The following SLC35F3 variants were observed in gnomAD, a reference collection of about 807,000 sequenced individuals.
The protein encoded by SLC35F3 is putative thiamine transporter SLC35F3.
Under a neutral mutation model 49.9 loss-of-function variants are expected in SLC35F3, and 25 were observed. The observed-to-expected ratio is 0.50, with a 90% CI of 0.37 to 0.70. The LOEUF (loss-of-function observed/expected upper bound fraction) is 0.70, where lower values mean the gene tolerates loss of function less well. SLC35F3 is among the 30% of genes least tolerant of loss of function. The pLI is 0.00. For synonymous variants in SLC35F3, 275 were observed against 265.4 expected (o/e 1.04, Z -0.35); for missense variants, 525 against 639.8 (o/e 0.82, Z 1.94).
intron 2 of SLC35F3, among the ~76,000 whole-genome samples, chr1:234,003,396 G>A (rs1663581955): frequency 6.6e-6 from 1 of 151,998 alleles, no homozygotes; most frequent in South Asian, 2.1e-4. Context: ...AATATGACAG[G>A]TAATTGATGG....
intron 2 of SLC35F3, among the ~76,000 whole-genome samples, chr1:234,002,610 C>T (rs1483702984): frequency 1.3e-5 from 2 of 152,134 alleles, no homozygotes; most frequent in Admixed American, 6.5e-5. Context: ...ATACAGTTGA[C>T]GTTGGCCTTG....
chr1:233,905,419 G>T (rs1484221210), intron 1 of SLC35F3, 110 bp from the exon 2 acceptor site: 5 of 861,568 alleles, frequency 5.8e-6, no homozygotes, highest in South Asian at 3.5e-5. Flanking sequence ...CCCCCGGAGG[G>T]CCCCGGCCGC....
intron 2 of SLC35F3, among the ~76,000 whole-genome samples, chr1:234,167,427 C>T (rs1000164439): frequency 6.6e-6 from 1 of 152,160 alleles, no homozygotes; most frequent in Non-Finnish European, 1.5e-5. Flanking sequence ...GTGCATGACT[C>T]ACCACAAAGG....
Position 234,258,112 on chromosome 1 carries a change from T to C in SLC35F3, c.608+26371T>C, listed in dbSNP as rs891260110. Among the ~76,000 whole-genome samples, 8 of 152,284 alleles carry C rather than the reference T, an allele frequency of 5.3e-5. 1 individual carries two copies. The highest frequency in any genetic ancestry group is 6.8e-3 in the Middle Eastern group (2 of 294). On this transcript the variant is annotated intron_variant, in intron 3 of 7. Transcript: ENST00000366618. ...CACCAAGTGGAAGAAGGGGAGTTAA[T>C]TACTCAAGTCAGCCTCCCCGAAAGC... is the stretch of plus-strand genomic sequence containing the variant.
intron 2 of SLC35F3, among the ~76,000 whole-genome samples, chr1:234,142,786 A>G (rs1665937771): frequency 6.6e-6 from 1 of 152,154 alleles, no homozygotes; most frequent in African/African-American, 2.4e-5. Context: ...GATGTTTACC[A>G]TGTTTCAGAT....
At chr1:234,095,272 T>C (rs1309770236) in intron 2 of SLC35F3, among the ~76,000 whole-genome samples, 1 of 152,210 alleles carries the variant, frequency 6.6e-6, no homozygotes, top group Non-Finnish European at 1.5e-5. Flanking sequence ...CCAGTCAGTA[T>C]AACTGTGGGT....
chr1:233,923,476 G>A (rs966039550), intron 2 of SLC35F3, among the ~76,000 whole-genome samples: 3 of 152,146 alleles, frequency 2.0e-5, no homozygotes, highest in Non-Finnish European at 4.4e-5. Context: ...AGGAATTCTT[G>A]TGATTTTTGC....
intron 2 of SLC35F3, among the ~76,000 whole-genome samples, chr1:234,114,592 A>G (rs1665456986): frequency 6.6e-6 from 1 of 152,224 alleles, no homozygotes; most frequent in South Asian, 2.1e-4. Context: ...CTTAACTTTG[A>G]AAAGAATGTC....
chr1:234,100,817 A>G (rs1665203609), intron 2 of SLC35F3, among the ~76,000 whole-genome samples: 1 of 152,200 alleles, frequency 6.6e-6, no homozygotes, highest in Admixed American at 6.5e-5. Flanking sequence ...GCTTCCACAG[A>G]GCATATTACT....
intron 2 of SLC35F3, among the ~76,000 whole-genome samples, chr1:234,120,724 G>C (rs1653114311): frequency 6.6e-6 from 1 of 152,208 alleles, no homozygotes; most frequent in Admixed American, 6.5e-5. Flanking sequence ...AGGGGCAGTT[G>C]GACCTCCTTA....
At chr1:234,184,061 T>C (rs943525101) in intron 2 of SLC35F3, among the ~76,000 whole-genome samples, 7 of 152,166 alleles carry the variant, frequency 4.6e-5, no homozygotes, top group Non-Finnish European at 8.8e-5. Context: ...GTTAGATGTA[T>C]TGAAAATATG....
At chr1:234,057,809 A>G (rs2102860826) in intron 2 of SLC35F3, among the ~76,000 whole-genome samples, 1 of 152,206 alleles carries the variant, frequency 6.6e-6, no homozygotes, top group Admixed American at 6.5e-5. Flanking sequence ...AGATTGATGC[A>G]ATTCTCCTGC....
chr1:234,088,297 T>C (rs1401770593), intron 2 of SLC35F3, among the ~76,000 whole-genome samples: 1 of 152,184 alleles, frequency 6.6e-6, no homozygotes, highest in Non-Finnish European at 1.5e-5. Flanking sequence ...AACCTCCATC[T>C]CCTGGGTTCA....
At chr1:234,172,716 T>A (rs745860670) in intron 2 of SLC35F3, among the ~76,000 whole-genome samples, 49 of 152,202 alleles carry the variant, frequency 3.2e-4, no homozygotes, top group African/African-American at 1.0e-3. Context: ...TGGTACAGCA[T>A]GTGACTGTTC....
intron 2 of SLC35F3, among the ~76,000 whole-genome samples, chr1:234,225,149 T>C (rs904289823): frequency 2.0e-5 from 3 of 152,230 alleles, no homozygotes; most frequent in Non-Finnish European, 4.4e-5. Flanking sequence ...GTAGTTGGCC[T>C]TACGCGTGTG....
At chr1:233,967,118 A>C (rs1662917028) in intron 2 of SLC35F3, among the ~76,000 whole-genome samples, 1 of 152,188 alleles carries the variant, frequency 6.6e-6, no homozygotes, top group Non-Finnish European at 1.5e-5. Flanking sequence ...ATTCTATGTC[A>C]AATATTGCTT....
chr1:233,912,188 C>T (rs540407339), intron 2 of SLC35F3, among the ~76,000 whole-genome samples: 21 of 152,190 alleles, frequency 1.4e-4, no homozygotes, highest in African/African-American at 5.1e-4. Flanking sequence ...CTGCTATGAG[C>T]CTCTAGTTTC....
chr1:234,233,821 T>C (rs375301205), intron 3 of SLC35F3, among the ~76,000 whole-genome samples: 10 of 152,276 alleles, frequency 6.6e-5, no homozygotes, highest in African/African-American at 2.2e-4. Context: ...CATCACATTC[T>C]GCTCCAGCTC....
chr1:233,910,718 A>G (rs1348373005), intron 2 of SLC35F3, among the ~76,000 whole-genome samples: 1 of 152,154 alleles, frequency 6.6e-6, no homozygotes, highest in Non-Finnish European at 1.5e-5. Context: ...GCTTTTTTGA[A>G]GGGGGTCATG....
Sources: allele counts gnomAD v4.1 joint callset (sites outside exome capture counted in the v4.1 genomes callset), GRCh38; gene constraint gnomAD v4.1.1; transcripts MANE v1.5; gene names NCBI Gene and HGNC (gene_info 2026-07-23, HGNC 2026-07-21).